THRAP3: variants seen among roughly 807,000 people sequenced by gnomAD.
The protein encoded by THRAP3 is thyroid hormone receptor-associated protein 3.
A neutral mutation model predicts 101.0 loss-of-function variants in THRAP3; 16 were observed. The ratio of observed to expected loss-of-function variants is 0.16; its 90% CI spans 0.11 to 0.24. THRAP3 has a LOEUF of 0.24. THRAP3 is among the 10% of genes least tolerant of loss of function. The pLI, the probability that THRAP3 is intolerant of heterozygous loss-of-function variation, is 1.00. For synonymous variants in THRAP3, 407 were observed against 422.6 expected, an observed-to-expected ratio of 0.96 and a Z score of 0.45; for missense variants, 989 against 1,202.7, an observed-to-expected ratio of 0.82 and a Z score of 2.63.
intron 1 of THRAP3, among the ~76,000 whole-genome samples, chr1:36,258,375 T>C (rs1365374939): frequency 6.6e-6 from 1 of 152,220 alleles, no homozygotes; most frequent in African/African-American, 2.4e-5. Flanking sequence ...TAAAGTGCTA[T>C]ATTTGTACTT....
At chr1:36,295,310 G>A (rs1645931698) in intron 8 of THRAP3, among the ~76,000 whole-genome samples, 1 of 150,174 alleles carries the variant, frequency 6.7e-6, no homozygotes, top group African/African-American at 2.5e-5. Flanking sequence ...AAGTTTAGTA[G>A]TTCACATATG....
At chr1:36,267,011 G>A (rs1050641838) in intron 2 of THRAP3, among the ~76,000 whole-genome samples, 3 of 151,962 alleles carry the variant, frequency 2.0e-5, no homozygotes, top group Non-Finnish European at 4.4e-5. Flanking sequence ...CTCCCGAGTA[G>A]GTGGGATTAC....
intron 1 of THRAP3, among the ~76,000 whole-genome samples, chr1:36,258,890 A>G (rs946214158): frequency 1.3e-5 from 2 of 152,224 alleles, no homozygotes; most frequent in African/African-American, 4.8e-5. Context: ...AACGCTGGAC[A>G]TAGCTTTGAT....
intron 1 of THRAP3, among the ~76,000 whole-genome samples, chr1:36,244,956 G>A (rs1340553064): frequency 2.0e-5 from 3 of 151,584 alleles, no homozygotes; most frequent in Admixed American, 6.6e-5. Context: ...TCCTGACCTC[G>A]TGATCCACCC....
rs909198963 is a variant in THRAP3 at position 36,305,092 on chromosome 1, G to A, written c.*1075G>A. On this transcript the variant is annotated 3_prime_UTR_variant, in exon 12 of 12. Transcript: ENST00000354618. ...GGGGGGAAACATCCTCTTAAAATGG[G>A]TCCTTGTGCTTGCCTTCTGGGGAGG... 6 of 211,346 alleles carry A rather than the reference G, an allele frequency of 2.8e-5. No individual in the cohort carries two copies. The highest frequency in any genetic ancestry group is 1.5e-3 in the Middle Eastern group (1 of 686). The allele number at this position is 211,346 out of a possible 1,614,324, so 13.1% of individuals were successfully genotyped here. A position where few individuals can be genotyped will look rare whatever the true frequency, so the allele number is the denominator to read the frequency against.
the THRAP3 span, among the ~76,000 whole-genome samples, chr1:36,208,581 T>G: frequency 1.3e-5 from 2 of 152,218 alleles, no homozygotes; most frequent in Non-Finnish European, 2.9e-5. Context: ...CAGAATTATG[T>G]TAGTTATTAC....
intron 3 of THRAP3, among the ~76,000 whole-genome samples, chr1:36,284,465 G>A (rs906356984): frequency 6.6e-6 from 1 of 152,096 alleles, no homozygotes; most frequent in Non-Finnish European, 1.5e-5. Context: ...TTTTATTTCT[G>A]GCTTATCTGT....
At chr1:36,277,576 G>T (rs1473348720) in intron 2 of THRAP3, among the ~76,000 whole-genome samples, 3 of 151,510 alleles carry the variant, frequency 2.0e-5, no homozygotes, top group Non-Finnish European at 2.9e-5. Flanking sequence ...GCACAAACAT[G>T]GCTCACTGCA....
chr1:36,281,340 T>C (rs916876723), intron 2 of THRAP3, among the ~76,000 whole-genome samples: 1 of 152,226 alleles, frequency 6.6e-6, no homozygotes, highest in Admixed American at 6.5e-5. Context: ...CATCTCCTCA[T>C]TACTTTTATT....
intron 2 of THRAP3, among the ~76,000 whole-genome samples, chr1:36,265,115 G>T (rs1570289846): frequency 6.6e-6 from 1 of 152,230 alleles, no homozygotes; most frequent in East Asian, 1.9e-4. Context: ...GATTTGGATG[G>T]GTAGATGGGT....
At chr1:36,302,754 C>G (rs781772015) in intron 11 of THRAP3, among the ~76,000 whole-genome samples, 4 of 152,138 alleles carry the variant, frequency 2.6e-5, no homozygotes, top group Non-Finnish European at 5.9e-5. Flanking sequence ...AATGCTTTCT[C>G]CTTCATTGTT....
intron 1 of THRAP3, among the ~76,000 whole-genome samples, chr1:36,250,786 G>A (rs982022769): frequency 5.3e-5 from 8 of 151,752 alleles, no homozygotes; most frequent in African/African-American, 1.9e-4. Flanking sequence ...GGTGGTGCGC[G>A]CCTGTAATCC....
chr1:36,232,122 A>T (rs1204613728), intron 1 of THRAP3, among the ~76,000 whole-genome samples: 2 of 152,192 alleles, frequency 1.3e-5, no homozygotes, highest in Admixed American at 1.3e-4. Context: ...AGGCTGAGGC[A>T]GGAGAATTAC....
rs1444920113 is a variant in THRAP3 at position 36,301,559 on chromosome 1, C to G, written c.2509C>G (p.Arg837Gly). 4.3e-6 allele frequency: 7 copies of G among 1,612,572 alleles called. No homozygotes were observed. Among genetic ancestry groups the G allele is most frequent in the Non-Finnish European group, 5.9e-6 (7 of 1,179,540 alleles). ...GGRARGTFQF[R>G]ARGRGWGRGN... ...CCCTCATTTATTGCAATAGCAGTTT[C>G]GAGCCAGAGGAAGAGGCTGGGGCAG... is the stretch of plus-strand genomic sequence containing the variant. The change falls in exon 11 of 12, where the codon CGA becomes GGA. Residue 837 changes from arginine (R) to glycine (G), a missense_variant. Arg to Gly is a moderately radical substitution (Grantham distance 125). Coordinates refer to ENST00000354618, the MANE Select transcript of THRAP3 (RefSeq NM_005119.4).
chr1:36,286,402 C>T lies in THRAP3; in HGVS notation c.172C>T (p.His58Tyr). Reference sequence around the variant, plus strand: ...TCGTTCCAGATCATATTCTCCAGCTCATAACAGAGAAAGAAACCACCCAAG... The same window carrying T: ...TCGTTCCAGATCATATTCTCCAGCTTATAACAGAGAAAGAAACCACCCAAG... The part of the protein sequence containing the change: ...RSRSRSYSPA[H>Y]NRERNHPRVY... The change falls in exon 4 of 12, where the codon CAT (histidine) becomes TAT (tyrosine). Residue 58 changes from histidine (H) to tyrosine (Y), a missense_variant. His to Tyr is a moderately conservative substitution (Grantham distance 83, BLOSUM62 2). Coordinates refer to ENST00000354618, the MANE Select transcript of THRAP3 (RefSeq NM_005119.4). The surrounding 1 kb of genome is among the most constrained non-coding windows in gnomAD (Gnocchi z 5.5). 2 of 1,611,700 alleles carry T rather than the reference C, an allele frequency of 1.2e-6. No individual in the cohort carries two copies. Among genetic ancestry groups the T allele is most frequent in the Non-Finnish European group, 1.7e-6 (2 of 1,179,340 alleles).
chr1:36,231,964 C>T (rs1035102566), intron 1 of THRAP3, among the ~76,000 whole-genome samples: 2 of 152,088 alleles, frequency 1.3e-5, no homozygotes, highest in African/African-American at 2.4e-5. Flanking sequence ...CGCCTGTAAT[C>T]CCAGCACTTT....
At chr1:36,218,284 G>C in the THRAP3 span, among the ~76,000 whole-genome samples, 2 of 150,694 alleles carry the variant, frequency 1.3e-5, no homozygotes, top group African/African-American at 4.9e-5. Context: ...CAGGAGAATC[G>C]CTTGAAATCA....
At chr1:36,248,100 G>A (rs1239375865) in intron 1 of THRAP3, among the ~76,000 whole-genome samples, 2 of 151,896 alleles carry the variant, frequency 1.3e-5, no homozygotes, top group Non-Finnish European at 2.9e-5. Flanking sequence ...AGCTGGTCTT[G>A]AACTCCAGAC....
At chr1:36,248,488 C>T (rs1279411701) in intron 1 of THRAP3, among the ~76,000 whole-genome samples, 1 of 150,144 alleles carries the variant, frequency 6.7e-6, no homozygotes, top group Non-Finnish European at 1.5e-5. Flanking sequence ...TGCTTTGTCA[C>T]CTAGTCTGGA....
Sources: gnomAD v4.1 joint callset for allele counts (sites outside exome capture counted in the v4.1 genomes callset) on GRCh38, gnomAD v4.1.1 for gene constraint, Gnocchi (gnomAD v3.1) non-coding constraint, MANE v1.5 for transcripts, NCBI Gene and HGNC (gene_info 2026-07-23, HGNC 2026-07-21) for gene names.